The following BICRAL variants were observed in gnomAD, a reference collection of about 807,000 sequenced individuals.
BICRAL encodes the protein BICRA like chromatin remodeling complex associated protein.
A neutral mutation model predicts 91.8 loss-of-function variants in BICRAL; 8 were observed. The ratio of observed to expected loss-of-function variants is 0.09; its 90% CI spans 0.05 to 0.16. The LOEUF (loss-of-function observed/expected upper bound fraction) is 0.16, where lower values mean the gene tolerates loss of function less well. Among genes scored for constraint, BICRAL ranks in the 10% least tolerant of loss-of-function variants. BICRAL has a pLI of 1.00. For missense variants in BICRAL, 1,038 were observed against 1,310.9 expected, an observed-to-expected ratio of 0.79 and a Z score of 3.21; for synonymous variants, 445 against 491.1, an observed-to-expected ratio of 0.91 and a Z score of 1.24.
intron 6 of BICRAL, among the ~76,000 whole-genome samples, chr6:42,838,631 CTATCTA>C (rs1241245340): frequency 6.6e-6 from 1 of 152,068 alleles, no homozygotes; most frequent in South Asian, 2.1e-4. Context: ...TTGTAGTATC[CTATCTA>C]TATTTATTGC....
At chr6:42,763,451 G>C (rs1184692917) in intron 1 of BICRAL, among the ~76,000 whole-genome samples, 1 of 152,200 alleles carries the variant, frequency 6.6e-6, no homozygotes, top group East Asian at 1.9e-4. Flanking sequence ...CTTCTGCCTA[G>C]AATTTTTAAG....
intron 1 of BICRAL, among the ~76,000 whole-genome samples, chr6:42,786,810 G>T (rs534439631): frequency 1.3e-5 from 2 of 152,298 alleles, no homozygotes; most frequent in Admixed American, 1.3e-4. Flanking sequence ...CAAGTTCAAA[G>T]ACCTGGAAGG....
At chr6:42,746,444 C>T (rs1373876650), upstream of BICRAL, among the ~76,000 whole-genome samples, 1 of 151,970 alleles carries the variant, frequency 6.6e-6, no homozygotes, top group Non-Finnish European at 1.5e-5. Context: ...CCCCTCCCCC[C>T]AGCTCCTCCC....
rs57716283 is a variant in BICRAL, at chr6:42,772,422, A to G, written c.-260-9417A>G. The stretch of plus-strand genomic sequence containing the variant: ...TTGTGCCACAGGAAAAGGGAATTCC[A>G]GGCAGATGGGAAAGGATATGTCCAA... On this transcript the variant is annotated intron_variant, in intron 1 of 14. Coordinates refer to the BICRAL transcript ENST00000614467. Among the ~76,000 whole-genome samples, 921 of 152,270 alleles carry G rather than the reference A, an allele frequency of 6.0e-3. 10 individuals are homozygous for G. Among genetic ancestry groups the G allele is most frequent in the African/African-American group, 0.021 (890 of 41,554 alleles).
Position 42,788,405 on chromosome 6 carries a change from G to A in BICRAL, c.-102+6304G>A, listed in dbSNP as rs558548350. Among the ~76,000 whole-genome samples, 6 of 152,096 alleles carry A rather than the reference G, an allele frequency of 3.9e-5. 1 individual carries two copies. In the South Asian group the frequency reaches 6.2e-4, roughly 16 times the overall value. On this transcript the variant is annotated intron_variant, in intron 1 of 12. Coordinates refer to ENST00000314073, the MANE Select transcript of BICRAL (RefSeq NM_001393499.1). ...ACACCCAGCTAATTTTGTATTTTTA[G>A]TAGAGACGGGTCCACCATGTTAGCC... is the stretch of plus-strand genomic sequence containing the variant.
At chr6:42,863,415 C>G (rs1765618455) in intron 12 of BICRAL, among the ~76,000 whole-genome samples, 1 of 152,176 alleles carries the variant, frequency 6.6e-6, no homozygotes, top group Non-Finnish European at 1.5e-5. Context: ...CTCACAGACG[C>G]AGCTCCTACA....
chr6:42,747,734 A>T (rs937111213), intron 1 of BICRAL, among the ~76,000 whole-genome samples: 2 of 150,900 alleles, frequency 1.3e-5, no homozygotes, highest in African/African-American at 4.9e-5. Context: ...GTGCATAGTC[A>T]TCGTTTTCAC....
intron 10 of BICRAL, 105 bp downstream of exon 10, chr6:42,857,341 T>G: frequency 1.1e-6 from 1 of 913,284 alleles, no homozygotes; most frequent in South Asian, 1.7e-5. Flanking sequence ...GTAGGCAGGT[T>G]ATTGTTTTTA....
At chr6:42,857,600 T>TAAAAAAAAAAA (rs748078737) in intron 10 of BICRAL, among the ~76,000 whole-genome samples, 12 of 101,330 alleles carry the variant, frequency 1.2e-4, no homozygotes, top group African/African-American at 4.0e-4. Context: ...CACTGTCTCT[T>TAAAAAAAAAAA]AAAAAAAAAA....
chr6:42,790,584 T>C (rs979066963), intron 1 of BICRAL, among the ~76,000 whole-genome samples: 1 of 151,800 alleles, frequency 6.6e-6, no homozygotes, highest in African/African-American at 2.4e-5. Context: ...ATTCCCTTTT[T>C]CATGAGTTTT....
chr6:42,828,077 G>C (rs1030099207), intron 5 of BICRAL, among the ~76,000 whole-genome samples: 8 of 152,140 alleles, frequency 5.3e-5, no homozygotes, highest in Non-Finnish European at 1.2e-4. Context: ...GCAGTTTAGA[G>C]AGTTATGCCT....
At chr6:42,859,808 ATTTT>A (rs1169375755) in intron 10 of BICRAL, among the ~76,000 whole-genome samples, 1 of 149,096 alleles carries the variant, frequency 6.7e-6, no homozygotes, top group African/African-American at 2.5e-5. Flanking sequence ...CGCCCAGCTA[ATTTT>A]TTTTTTGTAT....
intron 1 of BICRAL, among the ~76,000 whole-genome samples, chr6:42,766,527 G>A (rs559253092): frequency 6.6e-6 from 1 of 152,190 alleles, no homozygotes; most frequent in Non-Finnish European, 1.5e-5. Flanking sequence ...TAATGTGCTT[G>A]TGAGTCATAA....
At chr6:42,798,352 T>TA (rs1423519965) in intron 1 of BICRAL, among the ~76,000 whole-genome samples, 1 of 150,456 alleles carries the variant, frequency 6.6e-6, no homozygotes, top group African/African-American at 2.5e-5. Flanking sequence ...AAAATAAATC[T>TA]AAAAAAGAGT....
chr6:42,844,693 A>G (rs943715806), intron 6 of BICRAL, among the ~76,000 whole-genome samples: 3 of 152,082 alleles, frequency 2.0e-5, no homozygotes, highest in African/African-American at 7.2e-5. Flanking sequence ...CCAGATGGCA[A>G]CAGACTGAGG....
Position 42,793,336 on chromosome 6 carries a change from T to C in BICRAL, c.-102+11235T>C, listed in dbSNP as rs1432054176. Among the ~76,000 whole-genome samples the C allele has an allele frequency of 7.9e-3, 1,003 of 126,628 alleles. 6 individuals carry two copies. The highest frequency in any genetic ancestry group is 0.013 in the Non-Finnish European group (787 of 59,824). 83.1% of individuals were successfully genotyped at this position (126,628 alleles called of 152,430 possible). A position where few individuals can be genotyped will look rare whatever the true frequency, so the allele number is the denominator to read the frequency against. ...TTTTTTTTTTTTTTTGTATTTTTAG[T>C]AGAGACGGGGTTTCACTGTGTTAGC... On this transcript the variant is annotated intron_variant, in intron 1 of 12. Transcript: ENST00000314073.
chr6:42,779,877 T>C (rs1333065829), upstream of BICRAL, among the ~76,000 whole-genome samples: 2 of 152,146 alleles, frequency 1.3e-5, no homozygotes, highest in African/African-American at 2.4e-5. Flanking sequence ...CATCTTGGCC[T>C]CCCAAAGGGA....
At chr6:42,820,344 G>A (rs1764104104) in intron 2 of BICRAL, among the ~76,000 whole-genome samples, 1 of 152,102 alleles carries the variant, frequency 6.6e-6, no homozygotes, top group African/African-American at 2.4e-5. Context: ...AATTTAAGCG[G>A]TCATGTTAAA....
intron 1 of BICRAL, among the ~76,000 whole-genome samples, chr6:42,767,426 C>T (rs1215474505): frequency 1.3e-5 from 2 of 152,318 alleles, no homozygotes; most frequent in East Asian, 3.9e-4. Context: ...TCTAACTCTG[C>T]TGTCTCAGCT....
Sources: allele counts gnomAD v4.1 joint callset (sites outside exome capture counted in the v4.1 genomes callset), GRCh38; gene constraint gnomAD v4.1.1; transcripts MANE v1.5; gene names NCBI Gene and HGNC (gene_info 2026-07-23, HGNC 2026-07-21).